The following PNPLA3 variants were observed in gnomAD, a reference collection of about 807,000 sequenced individuals.
The protein encoded by PNPLA3 is patatin like domain 3, 1-acylglycerol-3-phosphate O-acyltransferase.
In PNPLA3, 42 loss-of-function variants were observed where a neutral mutation model predicts 43.1. The observed-to-expected ratio is 0.97, with a 90% CI of 0.76 to 1.26. The LOEUF (loss-of-function observed/expected upper bound fraction) is 1.26. Among genes scored for constraint, PNPLA3 ranks in the 50% most tolerant of loss-of-function variants. The pLI is 0.00. For synonymous variants in PNPLA3, 272 were observed against 253.6 expected, an observed-to-expected ratio of 1.07 and a Z score of -0.69; for missense variants, 647 against 621.4, an observed-to-expected ratio of 1.04 and a Z score of -0.44.
chr22:43,931,640 C>T lies in PNPLA3; in HGVS notation c.487-1238C>T, dbSNP rs199596543. ...AAGCGATTCTCCTGCCTCAGCCTCCCGAGCAGCTGAGATTACAAGCACACA... is the reference window on the plus strand; with the variant it reads ...AAGCGATTCTCCTGCCTCAGCCTCCTGAGCAGCTGAGATTACAAGCACACA... On this transcript the variant is annotated intron_variant, in intron 3 of 8. Coordinates refer to ENST00000216180, the MANE Select transcript of PNPLA3 (RefSeq NM_025225.3). Among the ~76,000 whole-genome samples, 29 of 152,264 alleles carry T rather than the reference C, an allele frequency of 1.9e-4. No individual in the cohort carries two copies. In the East Asian group the frequency reaches 2.7e-3, roughly 14 times the overall value.
Position 43,927,118 on chromosome 22 carries a change from G to C in PNPLA3, c.371G>C (p.Gly124Ala). 6.2e-7 allele frequency: 1 copy of C among 1,614,224 alleles called. No individual in the cohort carries two copies. The highest frequency in any genetic ancestry group is 8.5e-7 in the Non-Finnish European group (1 of 1,180,042). The change falls in exon 2 of 9, where the codon GGG (glycine) becomes GCG (alanine). Residue 124 changes from glycine to alanine, a missense_variant. Gly to Ala is a moderately conservative substitution (Grantham distance 60, BLOSUM62 0). Transcript: ENST00000216180. ...IGISLTRVSD[G>A]ENVLVSDFRS... ...ATCTCTCTTACCAGAGTGTCTGATGGGGAAAACGTTCTGGTGTCTGACTTT... is the reference window on the plus strand; with the variant it reads ...ATCTCTCTTACCAGAGTGTCTGATGCGGAAAACGTTCTGGTGTCTGACTTT...
intron 4 of PNPLA3, among the ~76,000 whole-genome samples, chr22:43,933,438 G>A (rs2049974733): frequency 6.6e-6 from 1 of 152,122 alleles, no homozygotes; most frequent in Admixed American, 6.5e-5. Context: ...TTAGGCTGGA[G>A]TGCAGTGGTG....
rs1412078292 is a variant in PNPLA3, at chr22:43,937,055, C to T, written c.762C>T (p.Ile254=). 3.1e-6 allele frequency: 5 copies of T among 1,613,212 alleles called. No homozygotes were observed. The highest frequency in any genetic ancestry group is 4.2e-6 in the Non-Finnish European group (5 of 1,179,838). The part of the protein sequence containing the change: ...DAFRFLEEKG[I]CNRPQPGLKS... Reference sequence around the variant, plus strand: ...TGTTTTCCGTGCCCTTCACAGGCATCTGCAACAGGCCCCAGCCAGGCCTGA... The same window carrying T: ...TGTTTTCCGTGCCCTTCACAGGCATTTGCAACAGGCCCCAGCCAGGCCTGA... Residue 254 remains isoleucine, a synonymous_variant, in exon 6 of 9, where the codon ATC becomes ATT. Transcript: ENST00000216180.
chr22:43,946,797 C>A lies in PNPLA3; in HGVS notation c.*415C>A. On this transcript the variant is annotated 3_prime_UTR_variant, in exon 9 of 9. Coordinates refer to ENST00000216180, the MANE Select transcript of PNPLA3 (RefSeq NM_025225.3). Reference sequence around the variant, plus strand: ...GTGGAGGGAAGAGAATAGCATGATCCCACTTCCCCATGCTGTGGGAAGGGG... The same window carrying A: ...GTGGAGGGAAGAGAATAGCATGATCACACTTCCCCATGCTGTGGGAAGGGG... 1 of 515,446 alleles carries A rather than the reference C, an allele frequency of 1.9e-6. No homozygotes were observed. Among genetic ancestry groups the A allele is most frequent in the South Asian group, 1.4e-5 (1 of 70,230 alleles). The allele number at this position is 515,446 out of a possible 1,614,324, so 31.9% of individuals were successfully genotyped here. A position where few individuals can be genotyped will look rare whatever the true frequency, so the allele number is the denominator to read the frequency against.
chr22:43,926,835 A>T (rs1020426768), intron 1 of PNPLA3, 100 bp from the exon 2 acceptor site: 3 of 968,348 alleles, frequency 3.1e-6, no homozygotes, highest in Admixed American at 2.0e-5. Context: ...TGGTCTAGAG[A>T]AATGTTGGTG....
At chr22:43,941,148 CAAAAA>C (rs577344067) in intron 7 of PNPLA3, among the ~76,000 whole-genome samples, 3 of 79,928 alleles carry the variant, frequency 3.8e-5, no homozygotes, top group African/African-American at 4.9e-5. Flanking sequence ...AACTCCGACT[CAAAAA>C]AAAAAAAAAA....
At chr22:43,934,878 CACA>C (rs1351009552) in intron 5 of PNPLA3, among the ~76,000 whole-genome samples, 51 of 152,094 alleles carry the variant, frequency 3.4e-4, no homozygotes, top group Non-Finnish European at 4.4e-5. Flanking sequence ...CCAAGCAGCA[CACA>C]CCCCTCCCTG....
At chr22:43,928,721 T>A in intron 2 of PNPLA3, 103 bp from the exon 3 acceptor site, 1 of 1,064,000 alleles carries the variant, frequency 9.4e-7, no homozygotes, top group Non-Finnish European at 1.5e-6. Context: ...GCAAAGGGCA[T>A]TTTCAAGTTT....
chr22:43,946,130 G>A (rs1278958772), intron 8 of PNPLA3, 24 bp from the exon 9 acceptor site: 3 of 1,608,194 alleles, frequency 1.9e-6, no homozygotes, highest in Admixed American at 1.7e-5. Flanking sequence ...CGGCCTCTAA[G>A]CCAACTTCCT....
chr22:43,947,179 C>A lies in PNPLA3; in HGVS notation c.*797C>A, dbSNP rs1756955762. 1 of 168,384 alleles carries A rather than the reference C, an allele frequency of 5.9e-6. No homozygotes were observed. Among genetic ancestry groups the A allele is most frequent in the Admixed American group, 5.6e-5 (1 of 17,948 alleles). 10.4% of individuals were successfully genotyped at this position (168,384 alleles called of 1,614,324 possible). On this transcript the variant is annotated 3_prime_UTR_variant, in exon 9 of 9. Transcript: ENST00000216180. Reference sequence around the variant, plus strand: ...TTCAAGACCAGTCTGGCCAACATAGCAAAACCCTGTCTCTACTAAAAATAC... The same window carrying A: ...TTCAAGACCAGTCTGGCCAACATAGAAAAACCCTGTCTCTACTAAAAATAC...
At chr22:43,925,328 TG>T (rs1209208824) in intron 1 of PNPLA3, among the ~76,000 whole-genome samples, 2 of 152,256 alleles carry the variant, frequency 1.3e-5, no homozygotes, top group Non-Finnish European at 1.5e-5. Flanking sequence ...TCTCACTAGC[TG>T]GAACTACTGG....
chr22:43,944,819 GT>G, intron 8 of PNPLA3, 24 bp downstream of exon 8: 26 of 1,597,792 alleles, frequency 1.6e-5, no homozygotes, highest in Non-Finnish European at 2.2e-5. Flanking sequence ...CTGTGGGTGT[GT>G]GGGCCGGACG....
intron 2 of PNPLA3, among the ~76,000 whole-genome samples, chr22:43,928,174 C>G (rs2049937534): frequency 6.6e-6 from 1 of 152,250 alleles, no homozygotes; most frequent in African/African-American, 2.4e-5. Context: ...AGACAGCAGC[C>G]TGGCGCGTCT....
At chr22:43,946,076 T>C (rs2050060984) in intron 8 of PNPLA3, 78 bp from the exon 9 acceptor site, 2 of 1,373,194 alleles carry the variant, frequency 1.5e-6, no homozygotes, top group Non-Finnish European at 2.1e-6. Flanking sequence ...TGGCCGGCAA[T>C]GTGGGTCCAC....
chr22:43,934,098 C>T (rs1457227342), intron 4 of PNPLA3, among the ~76,000 whole-genome samples: 1 of 152,028 alleles, frequency 6.6e-6, no homozygotes, highest in Non-Finnish European at 1.5e-5. Flanking sequence ...AGGTGGATCA[C>T]CTGAGGTCAG....
In PNPLA3 at chr22:43,946,586, C is replaced by A; in HGVS notation, c.*204C>A. 1 of 715,388 alleles carries A rather than the reference C, an allele frequency of 1.4e-6. No homozygotes were observed. Among genetic ancestry groups the A allele is most frequent in the Non-Finnish European group, 2.6e-6 (1 of 392,026 alleles). 44.3% of individuals were successfully genotyped at this position (715,388 alleles called of 1,614,324 possible). On this transcript the variant is annotated 3_prime_UTR_variant, in exon 9 of 9. Transcript: ENST00000216180. ...CCAGCACTTAACTCTAATACATCAGCATGCGTTAATTCAGCTGGTTGGGAA... is the reference window on the plus strand; with the variant it reads ...CCAGCACTTAACTCTAATACATCAGAATGCGTTAATTCAGCTGGTTGGGAA...
chr22:43,927,547 C>A (rs2049932540), intron 2 of PNPLA3, among the ~76,000 whole-genome samples: 1 of 151,790 alleles, frequency 6.6e-6, no homozygotes, highest in South Asian at 2.1e-4. Flanking sequence ...CAGTTGTAGG[C>A]CCCCTGTGCC....
Position 43,944,726 on chromosome 22 carries a change from TC to T in PNPLA3, c.1150del (p.Leu384CysfsTer6). On this transcript the variant is annotated frameshift_variant, in exon 8 of 9. Coordinates refer to ENST00000216180, the MANE Select transcript of PNPLA3 (RefSeq NM_025225.3). LOFTEE classifies it high-confidence loss of function. ...VTWLPDMPDD[V>X]LWLQWVTSQV... ...TGGCTTCCAGATATGCCCGACGATGTCCTGTGGTTGCAGTGGGTGACCTCAC... is the reference window on the plus strand; with the variant it reads ...TGGCTTCCAGATATGCCCGACGATGTCTGTGGTTGCAGTGGGTGACCTCAC... 1 of 1,614,250 alleles carries T rather than the reference TC, an allele frequency of 6.2e-7. No homozygotes were observed. The highest frequency in any genetic ancestry group is 2.2e-5 in the East Asian group (1 of 44,890).
At chr22:43,924,463 G>T (rs1469294475) in intron 1 of PNPLA3, 3 of 226,548 alleles carry the variant, frequency 1.3e-5, no homozygotes, top group Non-Finnish European at 2.6e-5. Context: ...GGGTAGTGCT[G>T]GCCCCTGCGG....
Sources: gnomAD v4.1 joint callset for allele counts (sites outside exome capture counted in the v4.1 genomes callset) on GRCh38, gnomAD v4.1.1 for gene constraint, MANE v1.5 for transcripts, NCBI Gene and HGNC (gene_info 2026-07-23, HGNC 2026-07-21) for gene names.